ADAM2: variants seen among roughly 807,000 people sequenced by gnomAD.
The protein encoded by ADAM2 is disintegrin and metalloproteinase domain-containing protein 2.
Under a neutral mutation model 99.3 loss-of-function variants are expected in ADAM2, and 101 were observed. The ratio of observed to expected loss-of-function variants is 1.02; its 90% CI spans 0.87 to 1.20. The LOEUF is 1.20. Among genes scored for constraint, ADAM2 ranks in the 50% most tolerant of loss-of-function variants. The probability of loss-of-function intolerance (pLI) is 0.00; values close to 1 mark genes in which losing one functional copy is unlikely to be tolerated. For synonymous variants in ADAM2, 323 were observed against 287.6 expected, an observed-to-expected ratio of 1.12 and a Z score of -1.25; for missense variants, 948 against 878.7, an observed-to-expected ratio of 1.08 and a Z score of -1.00.
intron 14 of ADAM2, among the ~76,000 whole-genome samples, chr8:39,762,633 A>G (rs1177947335): frequency 6.6e-6 from 1 of 152,208 alleles, no homozygotes; most frequent in African/African-American, 2.4e-5. Flanking sequence ...GATAATGTGG[A>G]TGGGCCTGAT....
intron 1 of ADAM2, 31 bp from the exon 2 acceptor site, chr8:39,837,243 C>A (rs377713401): frequency 1.4e-6 from 2 of 1,474,606 alleles, no homozygotes; most frequent in Non-Finnish European, 1.9e-6. Context: ...TTTATTAGAA[C>A]AATGCCCATC....
chr8:39,800,179 T>C (rs544434450), intron 7 of ADAM2, among the ~76,000 whole-genome samples: 22 of 152,346 alleles, frequency 1.4e-4, no homozygotes, highest in African/African-American at 5.3e-4. Flanking sequence ...TTCCTTTCCA[T>C]ATTATGTGCT....
intron 3 of ADAM2, among the ~76,000 whole-genome samples, chr8:39,826,567 C>T (rs1805410096): frequency 6.6e-6 from 1 of 151,774 alleles, no homozygotes; most frequent in Non-Finnish European, 1.5e-5. Context: ...ACTAAAAATA[C>T]AAAAAATTAG....
intron 2 of ADAM2, among the ~76,000 whole-genome samples, chr8:39,834,292 T>C (rs1586170772): frequency 6.6e-6 from 1 of 152,284 alleles, no homozygotes; most frequent in Admixed American, 6.5e-5. Flanking sequence ...AAGAGATTTA[T>C]GGTGGAGTCT....
chr8:39,803,322 G>A (rs1586127970), intron 7 of ADAM2, among the ~76,000 whole-genome samples: 1 of 152,248 alleles, frequency 6.6e-6, no homozygotes, highest in African/African-American at 2.4e-5. Context: ...TTGTTTATTT[G>A]TAAGATCTGG....
At position 39,744,831 on chromosome 8, in the gene ADAM2, G is replaced by A; in HGVS notation, c.*29C>T. On this transcript the variant is annotated splice_region_variant and 3_prime_UTR_variant, in exon 20 of 21. Transcript: ENST00000265708. ...TTTAAAAAAATGAAAGAAACTCACA[G>A]TGATATCATGGCATCTCTGTTGTCC... 1 of 1,574,794 alleles carries A rather than the reference G, an allele frequency of 6.4e-7. No homozygotes were observed. The highest frequency in any genetic ancestry group is 8.6e-7 in the Non-Finnish European group (1 of 1,160,322).
chr8:39,838,087 C>T (rs1018910608), intron 1 of ADAM2, 44 bp downstream of exon 1: 15 of 1,603,050 alleles, frequency 9.4e-6, no homozygotes, highest in Middle Eastern at 1.7e-4. Flanking sequence ...GGGAGAGTAG[C>T]GCTGAGGGTC....
At chr8:39,749,808 G>A in intron 16 of ADAM2, 64 bp from the exon 17 acceptor site, 1 of 1,254,258 alleles carries the variant, frequency 8.0e-7, no homozygotes, top group Non-Finnish European at 1.2e-6. Flanking sequence ...TTAATTAAAA[G>A]CATTCCATAC....
rs1802125841 is a variant in ADAM2, at chr8:39,755,800, C to G, written c.1725G>C (p.Val575=). 1 of 1,612,848 alleles carries G rather than the reference C, an allele frequency of 6.2e-7. No homozygotes were observed. Among genetic ancestry groups the G allele is most frequent in the Admixed American group, 1.7e-5 (1 of 59,890 alleles). The change falls in exon 16 of 21, where the codon GTG becomes GTC. Residue 575 remains valine, a synonymous_variant. Transcript: ENST00000265708. ...TGTCTGCATGATCACTGGCAAATTC[C>G]ACAGCAATGCAGAGATGTCCACTTA... is the stretch of plus-strand genomic sequence containing the variant. ...ANISGHLCIA[V]EFASDHADSQ...
intron 15 of ADAM2, among the ~76,000 whole-genome samples, chr8:39,759,591 T>G (rs1416388580): frequency 6.6e-6 from 1 of 152,094 alleles, no homozygotes; most frequent in Non-Finnish European, 1.5e-5. Flanking sequence ...TATTGAGGAA[T>G]AAACAAGCAC....
chr8:39,834,074 A>G (rs1400221751), intron 2 of ADAM2, 75 bp from the exon 3 acceptor site: 3 of 771,282 alleles, frequency 3.9e-6, no homozygotes, highest in Non-Finnish European at 6.5e-6. Context: ...ATTTTACATT[A>G]ATGATAATTG....
At chr8:39,775,828 T>C (rs565372047) in intron 11 of ADAM2, among the ~76,000 whole-genome samples, 1 of 152,216 alleles carries the variant, frequency 6.6e-6, no homozygotes, top group East Asian at 1.9e-4. Flanking sequence ...ATTGATATGC[T>C]CACTTGATCT....
chr8:39,798,678 T>A (rs1486104638), intron 7 of ADAM2, among the ~76,000 whole-genome samples: 1 of 152,174 alleles, frequency 6.6e-6, no homozygotes, highest in Non-Finnish European at 1.5e-5. Context: ...CTGGGCTTTT[T>A]TTGGTTGTCA....
At chr8:39,753,809 C>CAA (rs1288654274) in intron 16 of ADAM2, among the ~76,000 whole-genome samples, 1 of 117,842 alleles carries the variant, frequency 8.5e-6, no homozygotes, top group African/African-American at 2.7e-5. Flanking sequence ...TATAAAACAA[C>CAA]AAAACACACA....
At chr8:39,774,451 C>A (rs1368800049) in intron 11 of ADAM2, among the ~76,000 whole-genome samples, 1 of 151,940 alleles carries the variant, frequency 6.6e-6, no homozygotes, top group Non-Finnish European at 1.5e-5. Flanking sequence ...GTTAGTGTAG[C>A]AAAGCTGCAG....
At chr8:39,827,174 C>G (rs1563384147) in intron 3 of ADAM2, among the ~76,000 whole-genome samples, 3 of 152,086 alleles carry the variant, frequency 2.0e-5, no homozygotes, top group Admixed American at 2.0e-4. Context: ...ATATCAAAAC[C>G]ACCATGGGAT....
chr8:39,749,669 C>T lies in ADAM2; in HGVS notation c.1873G>A (p.Gly625Ser), dbSNP rs1347490483. The T allele has an allele frequency of 1.9e-6, 3 of 1,609,434 alleles. No homozygotes were observed. The Admixed American group carries it at 5.0e-5, about 27-fold the overall frequency. The change falls in exon 17 of 21, where the codon GGT becomes AGT. Residue 625 changes from glycine (G) to serine (S), a missense_variant and splice_region_variant. Physicochemically the swap from Gly to Ser is moderately conservative, Grantham distance 56. Transcript: ENST00000265708. Reference protein sequence around the residue: ...DCTTDKCNDRGVCNNKKHCHC... With the variant: ...DCTTDKCNDRSVCNNKKHCHC... ...CACCTCATAGTACTGCTACTTACAC[C>T]TCTATCATTGCATTTGTCAGTAGTA... is the stretch of plus-strand genomic sequence containing the variant.
At chr8:39,783,565 T>A (rs1183879837) in intron 10 of ADAM2, among the ~76,000 whole-genome samples, 2 of 152,126 alleles carry the variant, frequency 1.3e-5, no homozygotes, top group Admixed American at 6.6e-5. Context: ...CACTCCAAAT[T>A]CTTATGCTGA....
At chr8:39,826,250 C>T (rs1250857182) in intron 3 of ADAM2, among the ~76,000 whole-genome samples, 1 of 151,936 alleles carries the variant, frequency 6.6e-6, no homozygotes, top group East Asian at 1.9e-4. Context: ...ATATATAGAC[C>T]AATGGAACAA....
Sources: allele counts gnomAD v4.1 joint callset (sites outside exome capture counted in the v4.1 genomes callset), GRCh38; gene constraint gnomAD v4.1.1; transcripts MANE v1.5; gene names NCBI Gene and HGNC (gene_info 2026-07-23, HGNC 2026-07-21).